ADAM29: variants seen among roughly 807,000 people sequenced by gnomAD.
ADAM29 encodes ADAM metallopeptidase domain 29, also known as disintegrin and metalloproteinase domain-containing protein 29.
For missense variants in ADAM29, 969 were observed against 1,001.8 expected, an observed-to-expected ratio of 0.97 and a Z score of 0.44; for synonymous variants, 367 against 342.3, an observed-to-expected ratio of 1.07 and a Z score of -0.80.
At chr4:174,926,137 T>C (rs981554398) in intron 2 of ADAM29, among the ~76,000 whole-genome samples, 3 of 152,222 alleles carry the variant, frequency 2.0e-5, no homozygotes, top group African/African-American at 7.2e-5. Flanking sequence ...ATGTATTGAA[T>C]AAGAATGGTA....
chr4:174,976,522 C>A lies in ADAM29; in HGVS notation c.997C>A (p.His333Asn). 1 of 1,608,486 alleles carries A rather than the reference C, an allele frequency of 6.2e-7. No homozygotes were observed. Among genetic ancestry groups the A allele is most frequent in the South Asian group, 1.1e-5 (1 of 89,774 alleles). The change falls in exon 5 of 5, where the codon CAT becomes AAT. Residue 333 changes from histidine to asparagine, a missense_variant. His to Asn is a moderately conservative substitution (Grantham distance 68). Transcript: ENST00000359240. ...LGTFSIAVAH[H>N]LGHNLGMNHD... ...CACTTTTTCAATTGCAGTGGCTCAT[C>A]ATCTAGGTCATAATTTGGGCATGAA...
chr4:174,936,038 C>G (rs1448789291), intron 3 of ADAM29, among the ~76,000 whole-genome samples: 5 of 152,040 alleles, frequency 3.3e-5, no homozygotes, highest in Admixed American at 1.3e-4. Context: ...AATAAGTACA[C>G]TGGGACAACA....
chr4:174,947,606 G>A (rs74589934), intron 4 of ADAM29, among the ~76,000 whole-genome samples: 26,022 of 152,106 alleles, frequency 0.17, 2,651 homozygotes, highest in African/African-American at 0.28. Flanking sequence ...TGATAGGAGA[G>A]TATAGTTGGT....
At chr4:174,969,611 A>C (rs1746356369) in intron 4 of ADAM29, among the ~76,000 whole-genome samples, 2 of 151,996 alleles carry the variant, frequency 1.3e-5, no homozygotes, top group African/African-American at 4.8e-5. Context: ...ATTTATAGTA[A>C]TGTACATACA....
At chr4:174,966,208 C>A (rs937166658) in intron 4 of ADAM29, among the ~76,000 whole-genome samples, 2 of 152,108 alleles carry the variant, frequency 1.3e-5, no homozygotes, top group African/African-American at 4.8e-5. Context: ...AGTACAGATG[C>A]AATTTTTTTT....
intron 2 of ADAM29, among the ~76,000 whole-genome samples, chr4:174,927,560 T>C (rs1208359462): frequency 6.6e-6 from 1 of 152,252 alleles, no homozygotes; most frequent in Non-Finnish European, 1.5e-5. Flanking sequence ...TTGGAATGAT[T>C]GCAAATGGTA....
intron 4 of ADAM29, among the ~76,000 whole-genome samples, chr4:174,949,289 G>A (rs1745032920): frequency 2.0e-5 from 3 of 152,134 alleles, no homozygotes; most frequent in Admixed American, 2.0e-4. Flanking sequence ...GAGGAGCATG[G>A]CAAGCTTTGA....
chr4:174,945,876 G>C (rs1159247805), intron 4 of ADAM29, among the ~76,000 whole-genome samples: 2 of 152,090 alleles, frequency 1.3e-5, no homozygotes, highest in African/African-American at 4.8e-5. Context: ...CCAGTACCAT[G>C]CCATTTTGGT....
At chr4:174,935,085 G>A (rs1406722545) in intron 3 of ADAM29, among the ~76,000 whole-genome samples, 2 of 152,106 alleles carry the variant, frequency 1.3e-5, no homozygotes, top group African/African-American at 2.4e-5. Flanking sequence ...GCTATGAAGA[G>A]CGTGAGCTGC....
At chr4:174,924,158 C>T (rs947917521) in intron 2 of ADAM29, 6 of 152,098 alleles carry the variant, frequency 3.9e-5, no homozygotes, top group Admixed American at 2.0e-4. Context: ...GTACAGACAA[C>T]TCAATTAAAA....
intron 4 of ADAM29, among the ~76,000 whole-genome samples, chr4:174,961,952 TTTTC>T (rs1301569244): frequency 2.0e-5 from 3 of 152,170 alleles, no homozygotes; most frequent in Admixed American, 6.5e-5. Flanking sequence ...GTTCTGTATT[TTTTC>T]TTTCTATTAA....
chr4:174,919,273 C>T (rs1402318056), intron 1 of ADAM29, among the ~76,000 whole-genome samples: 2 of 152,110 alleles, frequency 1.3e-5, no homozygotes, highest in Admixed American at 1.3e-4. Context: ...AGATCATAAC[C>T]ATTCAGAATT....
intron 1 of ADAM29, among the ~76,000 whole-genome samples, chr4:174,919,886 C>T (rs1355107244): frequency 6.6e-6 from 1 of 152,126 alleles, no homozygotes; most frequent in Admixed American, 6.6e-5. Flanking sequence ...GAGGGTTATA[C>T]AAGAACATGC....
At position 174,974,875 on chromosome 4, in the gene ADAM29, G is replaced by C. The variant is rs548323353; in HGVS notation, c.-180-471G>C. ...GAACCAAAAATTTAAAATAACATAA[G>C]AATGGTTTTTAAAAATGTCTCTTAG... On this transcript the variant is annotated intron_variant, in intron 4 of 4. Coordinates refer to ENST00000359240, the MANE Select transcript of ADAM29 (RefSeq NM_014269.4). 4.3e-4 allele frequency among the ~76,000 whole-genome samples: 66 copies of C among 152,190 alleles called. 1 individual carries two copies. Among genetic ancestry groups the C allele is most frequent in the African/African-American group, 1.5e-3 (61 of 41,544 alleles).
chr4:174,968,984 A>G (rs989630358), intron 4 of ADAM29, among the ~76,000 whole-genome samples: 2 of 148,496 alleles, frequency 1.3e-5, no homozygotes, highest in Non-Finnish European at 3.0e-5. Context: ...GTGTTTTTGC[A>G]TAAGGGGATT....
rs1455198983 is a variant in ADAM29, at chr4:174,977,245, G to T, written c.1720G>T (p.Ala574Ser). ...NMSDHTTVHWARFNDIMCWST... is the reference protein window; with the variant it reads ...NMSDHTTVHWSRFNDIMCWST... The stretch of plus-strand genomic sequence containing the variant: ...GAGTGATCATACTACTGTGCATTGG[G>T]CTCGCTTCAATGACATAATGTGCTG... Residue 574 changes from alanine to serine, a missense_variant, in exon 5 of 5, where the codon GCT becomes TCT. Coordinates refer to ENST00000359240, the MANE Select transcript of ADAM29 (RefSeq NM_014269.4). The T allele has an allele frequency of 1.2e-6, 2 of 1,613,836 alleles. No individual in the cohort carries two copies. Among genetic ancestry groups the T allele is most frequent in the Non-Finnish European group, 1.7e-6 (2 of 1,180,034 alleles).
At position 174,931,589 on chromosome 4, in the gene ADAM29, A is replaced by G. The variant is rs569568266; in HGVS notation, c.-262+415A>G. Among the ~76,000 whole-genome samples the G allele has an allele frequency of 5.9e-5, 9 of 152,278 alleles. No homozygotes were observed. In the South Asian group the frequency reaches 1.9e-3, roughly 32 times the overall value. On this transcript the variant is annotated intron_variant, in intron 3 of 4. Coordinates refer to ENST00000359240, the MANE Select transcript of ADAM29 (RefSeq NM_014269.4). Reference sequence around the variant, plus strand: ...CATATATATTGTTGATAGAAACATAACTTTCTATTAACAAAAATTGTTTAT... The same window carrying G: ...CATATATATTGTTGATAGAAACATAGCTTTCTATTAACAAAAATTGTTTAT...
At chr4:174,919,017 A>T (rs1436363322) in intron 1 of ADAM29, 1 of 152,068 alleles carries the variant, frequency 6.6e-6, no homozygotes, top group Non-Finnish European at 1.5e-5. Context: ...GCTTATTGAG[A>T]TATTGTCTTA....
At position 174,967,113 on chromosome 4, in the gene ADAM29, A is replaced by G. The variant is rs147061707; in HGVS notation, c.-180-8233A>G. On this transcript the variant is annotated intron_variant, in intron 4 of 4. Transcript: ENST00000359240. ...CTTCACCTCTTTCTAAGATAATTCA[A>G]TAGAAAGCCATGGAACTTCTAACAT... Among the ~76,000 whole-genome samples, 41 of 152,312 alleles carry G rather than the reference A, an allele frequency of 2.7e-4. No individual in the cohort carries two copies. The East Asian group carries it at 6.9e-3, about 26-fold the overall frequency.
Sources: gnomAD v4.1 joint callset for allele counts (sites outside exome capture counted in the v4.1 genomes callset) on GRCh38, gnomAD v4.1.1 for gene constraint, MANE v1.5 for transcripts, NCBI Gene and HGNC (gene_info 2026-07-23, HGNC 2026-07-21) for gene names.